Variants in MYH9 observed in about 807,000 individuals in gnomAD.
MYH9 encodes myosin heavy chain 9, also known as myosin-9.
MYH9 carries 29 observed loss-of-function variants against 241.9 expected under a neutral mutation model. The ratio of observed to expected loss-of-function variants is 0.12; its 90% confidence interval spans 0.09 to 0.16. MYH9 has a LOEUF of 0.16. MYH9 is among the 10% of genes least tolerant of loss of function. The pLI is 1.00. For missense variants in MYH9, 1,803 were observed against 2,595.5 expected (o/e 0.69, Z 6.63); for synonymous variants, 1,047 against 1,062.6 (o/e 0.99, Z 0.29).
chr22:36,322,621 G>A (rs2017272960), intron 5 of MYH9, 100 bp from the exon 6 acceptor site: 1 of 1,169,938 alleles, frequency 8.5e-7, no homozygotes, highest in Non-Finnish European at 1.3e-6. Context: ...GTGTCAGCAT[G>A]TCCAACGTGC....
At chr22:36,374,346 C>G (rs1323007060) in intron 1 of MYH9, among the ~76,000 whole-genome samples, 2 of 152,184 alleles carry the variant, frequency 1.3e-5, no homozygotes, top group Non-Finnish European at 2.9e-5. Context: ...ATGACAAAAC[C>G]CCATCTCTAC....
chr22:36,344,667 C>A (rs1057303800), intron 2 of MYH9, among the ~76,000 whole-genome samples: 1 of 152,196 alleles, frequency 6.6e-6, no homozygotes, highest in African/African-American at 2.4e-5. Flanking sequence ...ATGCCTCCAG[C>A]CAAAGAGTTC....
intron 9 of MYH9, chr22:36,319,949 T>C: frequency 1.6e-6 from 1 of 607,462 alleles, no homozygotes; most frequent in Non-Finnish European, 2.9e-6. Flanking sequence ...TATTCTACTT[T>C]CAGCAAATGG....
chr22:36,343,548 TAAAAAAAA>T (rs5845270), intron 2 of MYH9, among the ~76,000 whole-genome samples: 1 of 125,016 alleles, frequency 8.0e-6, no homozygotes, highest in Admixed American at 8.3e-5. Flanking sequence ...ACCCTGCTCT[TAAAAAAAA>T]AAAAAAAAAA....
chr22:36,321,760 G>T lies in MYH9; in HGVS notation c.767C>A (p.Thr256Asn). ...ATCCCAACGAACCACAAGGATACAA[G>T]TCTCAATGTTGGCTCCAACAATGTA... ...NGYIVGANIE[T>N]YLLEKSRAIR... Residue 256 changes from threonine (T) to asparagine (N), a missense_variant and splice_region_variant, in exon 7 of 41, where the codon ACT becomes AAT. By Grantham distance (65) the Thr-to-Asn change is moderately conservative. This residue lies in a region of MYH9 where 222 missense variants were observed against 359.9 expected (regional missense o/e 0.62). Coordinates refer to ENST00000216181, the MANE Select transcript of MYH9 (RefSeq NM_002473.6). 6.2e-7 allele frequency: 1 copy of T among 1,613,924 alleles called. No individual in the cohort carries two copies. Among genetic ancestry groups the T allele is most frequent in the South Asian group, 1.1e-5 (1 of 91,086 alleles).
At chr22:36,309,195 T>C in intron 15 of MYH9, 87 bp downstream of exon 15, 5 of 1,150,200 alleles carry the variant, frequency 4.3e-6, no homozygotes, top group Middle Eastern at 2.1e-4. Flanking sequence ...TGTGTACCCC[T>C]TGTTTGGCAG....
chr22:36,335,556 G>A (rs2017485684), intron 3 of MYH9, among the ~76,000 whole-genome samples: 1 of 152,206 alleles, frequency 6.6e-6, no homozygotes, highest in African/African-American at 2.4e-5. Context: ...TTTTTCCTGA[G>A]CCTCTGCCAA....
chr22:36,361,525 G>A (rs774914436), intron 1 of MYH9, among the ~76,000 whole-genome samples: 1 of 152,080 alleles, frequency 6.6e-6, no homozygotes, highest in African/African-American at 2.4e-5. Flanking sequence ...GTACACAATG[G>A]ATATAAACAA....
At chr22:36,286,137 T>C (rs2016576472) in intron 35 of MYH9, 184 bp from the exon 36 acceptor site, 1 of 647,798 alleles carries the variant, frequency 1.5e-6, no homozygotes, top group South Asian at 1.8e-5. Flanking sequence ...AAACACCATA[T>C]GTTTATAAAA....
chr22:36,383,833 A>C (rs558801846), intron 1 of MYH9, among the ~76,000 whole-genome samples: 1 of 151,832 alleles, frequency 6.6e-6, no homozygotes, highest in African/African-American at 2.4e-5. Flanking sequence ...GGTGGCGGGC[A>C]CCTGTAATCC....
At chr22:36,342,698 CA>C (rs2017609084) in intron 2 of MYH9, among the ~76,000 whole-genome samples, 1 of 151,810 alleles carries the variant, frequency 6.6e-6, no homozygotes, top group Non-Finnish European at 1.5e-5. Context: ...GGCAGATGTT[CA>C]GTTGGGGAAC....
intron 1 of MYH9, among the ~76,000 whole-genome samples, chr22:36,368,448 G>A (rs1007548884): frequency 2.0e-5 from 3 of 152,272 alleles, no homozygotes; most frequent in African/African-American, 7.2e-5. Context: ...CTCTAGGGGT[G>A]CAATGAGACA....
At chr22:36,367,652 C>A (rs2018031019) in intron 1 of MYH9, among the ~76,000 whole-genome samples, 1 of 152,204 alleles carries the variant, frequency 6.6e-6, no homozygotes, top group Non-Finnish European at 1.5e-5. Flanking sequence ...GGCAGGATGA[C>A]CTTACCAAGT....
rs910016215 is a variant in MYH9 at position 36,301,441 on chromosome 22, A to G, written c.2631+93T>C. ...AGTTGTAGAAAACTCCTATAGTAAT[A>G]GAAACTTCCAGCATGCCGTGCCTAC... On this transcript the variant is annotated intron_variant, in intron 21 of 40. Coordinates refer to ENST00000216181, the MANE Select transcript of MYH9 (RefSeq NM_002473.6). 9.7e-6 allele frequency: 15 copies of G among 1,552,662 alleles called. No homozygotes were observed. In the African/African-American group the frequency reaches 1.1e-4, roughly 11 times the overall value.
At chr22:36,340,123 A>C (rs563291916) in intron 3 of MYH9, among the ~76,000 whole-genome samples, 1 of 151,822 alleles carries the variant, frequency 6.6e-6, no homozygotes, top group Non-Finnish European at 1.5e-5. Flanking sequence ...CAAGGGGCCA[A>C]TTTTGAAGGG....
chr22:36,303,389 G>A (rs1230866178), intron 19 of MYH9, among the ~76,000 whole-genome samples: 1 of 151,806 alleles, frequency 6.6e-6, no homozygotes, highest in Non-Finnish European at 1.5e-5. Flanking sequence ...GTCCCCACAA[G>A]GGTCACACGG....
At chr22:36,336,264 A>G (rs530854130) in intron 3 of MYH9, among the ~76,000 whole-genome samples, 4 of 152,372 alleles carry the variant, frequency 2.6e-5, no homozygotes, top group Admixed American at 2.0e-4. Context: ...CTCATGTCAA[A>G]TTCCTCAACC....
intron 34 of MYH9, among the ~76,000 whole-genome samples, chr22:36,287,996 G>A (rs2016617001): frequency 6.6e-6 from 1 of 152,158 alleles, no homozygotes; most frequent in Non-Finnish European, 1.5e-5. Context: ...CCATGTCTAG[G>A]CTTGTACTTG....
intron 24 of MYH9, among the ~76,000 whole-genome samples, chr22:36,298,535 T>C (rs2016823908): frequency 6.6e-6 from 1 of 152,208 alleles, no homozygotes; most frequent in South Asian, 2.1e-4. Flanking sequence ...AAGTCATAGC[T>C]GCAAGATGAG....
Sources: gnomAD v4.1 joint callset for allele counts (sites outside exome capture counted in the v4.1 genomes callset) on GRCh38, gnomAD v4.1.1 for gene constraint, gnomAD v4.1.1 regional missense constraint, MANE v1.5 for transcripts, NCBI Gene and HGNC (gene_info 2026-07-23, HGNC 2026-07-21) for gene names.